Variants in POLD1 observed in about 807,000 individuals in gnomAD.
POLD1 encodes the protein DNA polymerase delta 1, catalytic subunit, also known as DNA polymerase delta catalytic subunit.
POLD1 carries 79 observed loss-of-function variants against 129.7 expected under a neutral mutation model. The ratio of observed to expected loss-of-function variants is 0.61; its 90% CI spans 0.51 to 0.73. POLD1 has a LOEUF of 0.73. Ranked by LOEUF, POLD1 falls within the 30% of genes least tolerant of loss-of-function variation. POLD1 has a pLI of 0.00. For synonymous variants in POLD1, 714 were observed against 683.3 expected (o/e 1.04, Z -0.70); for missense variants, 1,338 against 1,595.8 (o/e 0.84, Z 2.75).
chr19:50,409,610 G>A lies in POLD1; in HGVS notation c.2098G>A (p.Val700Ile), dbSNP rs868562435. 3.7e-6 allele frequency: 6 copies of A among 1,611,464 alleles called. No homozygotes were observed. The highest frequency in any genetic ancestry group is 4.2e-6 in the Non-Finnish European group (5 of 1,178,482). ...GGCGCTGAAGGTGAGCGCCAACTCC[G>A]TATACGGCTTCACTGGCGCCCAGGT... The part of the protein sequence containing the change: ...QLALKVSANS[V>I]YGFTGAQVGK... Residue 700 changes from valine (V) to isoleucine (I), a missense_variant, in exon 17 of 27, where the codon GTA (valine) becomes ATA (isoleucine). Val to Ile is a conservative substitution (Grantham distance 29). Transcript: ENST00000440232. The surrounding 1 kb of genome is among the most constrained non-coding windows in gnomAD (Gnocchi z 5.8).
At position 50,414,963 on chromosome 19, in the gene POLD1, C is replaced by A; in HGVS notation, c.2537C>A (p.Ala846Asp). ...CCCCTCGTGGCCAACCTGGTCACTG[C>A]CTCACTGCGCCGCCTGCTCATCGAC... ...NCPLVANLVT[A>D]SLRRLLIDRD... The change falls in exon 20 of 27, where the codon GCC (alanine) becomes GAC (aspartate). Residue 846 changes from alanine (A) to aspartate (D), a missense_variant. Coordinates refer to ENST00000440232, the MANE Select transcript of POLD1 (RefSeq NM_002691.4). 1 of 1,597,768 alleles carries A rather than the reference C, an allele frequency of 6.3e-7. No homozygotes were observed. The highest frequency in any genetic ancestry group is 8.5e-7 in the Non-Finnish European group (1 of 1,171,276).
chr19:50,398,980 G>T lies in POLD1; in HGVS notation c.129G>T (p.Glu43Asp). The T allele has an allele frequency of 6.4e-7, 1 of 1,572,472 alleles. No homozygotes were observed. Among genetic ancestry groups the T allele is most frequent in the East Asian group, 2.3e-5 (1 of 43,350 alleles). The change falls in exon 2 of 27, where the codon GAG (glutamate) becomes GAT (aspartate). Residue 43 changes from glutamate (E) to aspartate (D), a missense_variant. Coordinates refer to ENST00000440232, the MANE Select transcript of POLD1 (RefSeq NM_002691.4). ...QFEEDLALME[E>D]MEAEHRLQEQ... ...AGGAGGACCTGGCACTGATGGAGGA[G>T]ATGGAGGCAGAACACAGGCTGCAGG...
rs766087932 is a variant in POLD1 at position 50,402,484 on chromosome 19, C to T, written c.789C>T (p.Cys263=). ...RFMVDTDIVG[C]NWLELPAGKY... ...TGGTGGACACGGACATCGTCGGCTG[C>T]AACTGGCTGGAGCTCCCAGCTGGGA... The change falls in exon 7 of 27, where the codon TGC becomes TGT. Residue 263 remains cysteine, a synonymous_variant. Transcript: ENST00000440232. 6 of 1,612,050 alleles carry T rather than the reference C, an allele frequency of 3.7e-6. No individual in the cohort carries two copies. The highest frequency in any genetic ancestry group is 5.1e-6 in the Non-Finnish European group (6 of 1,179,236).
At chr19:50,413,673 A>AC (rs2122442993) in intron 18 of POLD1, 69 bp from the exon 19 acceptor site, 8 of 1,552,696 alleles carry the variant, frequency 5.2e-6, no homozygotes, top group Non-Finnish European at 8.7e-7. Flanking sequence ...GCCACCTGCC[A>AC]CCCCCCGACA....
Position 50,413,452 on chromosome 19 carries a change from G to T in POLD1, c.2181G>T (p.Met727Ile). The stretch of plus-strand genomic sequence containing the variant: ...GCGTCACGGGGTTCGGACGTCAGAT[G>T]ATCGAGAAAACCAAGCAGCTGGTGG... ...SQSVTGFGRQMIEKTKQLVES... is the reference protein window; with the variant it reads ...SQSVTGFGRQIIEKTKQLVES... The change falls in exon 18 of 27, where the codon ATG becomes ATT. Residue 727 changes from methionine to isoleucine, a missense_variant. This residue lies in a region of POLD1 where 720 missense variants were observed against 1,002.6 expected (regional missense o/e 0.72). Coordinates refer to ENST00000440232, the MANE Select transcript of POLD1 (RefSeq NM_002691.4). 6.2e-7 allele frequency: 1 copy of T among 1,613,382 alleles called. No individual in the cohort carries two copies. The highest frequency in any genetic ancestry group is 1.1e-5 in the South Asian group (1 of 90,976).
chr19:50,397,059 C>G (rs546925179), intron 1 of POLD1, among the ~76,000 whole-genome samples: 14 of 142,756 alleles, frequency 9.8e-5, no homozygotes, highest in South Asian at 4.5e-4. Flanking sequence ...CCACTGCACT[C>G]CAGCCTGGGT....
chr19:50,405,118 G>A (rs1422185045), intron 10 of POLD1, among the ~76,000 whole-genome samples: 2 of 151,862 alleles, frequency 1.3e-5, no homozygotes, highest in Non-Finnish European at 2.9e-5. Flanking sequence ...TCATCATGTT[G>A]GCCAGGCTGG....
At chr19:50,384,985 G>A (rs564954951) in intron 1 of POLD1, among the ~76,000 whole-genome samples, 15 of 152,290 alleles carry the variant, frequency 9.8e-5, no homozygotes, top group Admixed American at 2.0e-4. Context: ...TGTAGCAGGA[G>A]CCGAGGGGAC....
intron 24 of POLD1, 108 bp downstream of exon 24, chr19:50,416,831 A>G: frequency 1.0e-6 from 1 of 993,778 alleles, no homozygotes; most frequent in Non-Finnish European, 1.5e-6. Flanking sequence ...CAGTGGGCCC[A>G]GGGCCCCTGG....
At chr19:50,398,727 G>A (rs2038462572) in intron 1 of POLD1, 124 bp from the exon 2 acceptor site, 2 of 1,461,478 alleles carry the variant, frequency 1.4e-6, no homozygotes, top group East Asian at 4.9e-5. Flanking sequence ...AGAGAGCTAT[G>A]TTAGTACAGC....
intron 20 of POLD1, 65 bp downstream of exon 20, chr19:50,415,055 A>G (rs1258949428): frequency 4.4e-5 from 61 of 1,373,888 alleles, no homozygotes; most frequent in South Asian, 9.0e-5. Context: ...CCTCAGACCC[A>G]GGAGTCTAGG....
Position 50,406,863 on chromosome 19 carries a change from C to T in POLD1, c.1495-120C>T, listed in dbSNP as rs1274226613. On this transcript the variant is annotated intron_variant, in intron 12 of 26. Coordinates refer to ENST00000440232, the MANE Select transcript of POLD1 (RefSeq NM_002691.4). The surrounding 1 kb of genome is among the most constrained non-coding windows in gnomAD (Gnocchi z 5.5). ...GACCCTGACGACTTGGAGGGCCCTC[C>T]TGCCCGCCTCACCTCCCAGGCCCTC... 2 of 819,654 alleles carry T rather than the reference C, an allele frequency of 2.4e-6. No individual in the cohort carries two copies. The highest frequency in any genetic ancestry group is 3.8e-6 in the Non-Finnish European group (2 of 520,206). 50.8% of individuals were successfully genotyped at this position (819,654 alleles called of 1,614,324 possible).
At chr19:50,413,095 G>A (rs1227049081) in intron 17 of POLD1, among the ~76,000 whole-genome samples, 1 of 152,090 alleles carries the variant, frequency 6.6e-6, no homozygotes, top group Non-Finnish European at 1.5e-5. Context: ...CTGTACCATA[G>A]AGAGCTGCCC....
chr19:50,402,417 G>A (rs1461368624), intron 6 of POLD1, 37 bp from the exon 7 acceptor site: 91 of 1,612,944 alleles, frequency 5.6e-5, no homozygotes, highest in Non-Finnish European at 7.3e-5. Flanking sequence ...CCCCACCCTC[G>A]GGCAGCCCCT....
chr19:50,398,423 T>C (rs570951026), intron 1 of POLD1, among the ~76,000 whole-genome samples: 1 of 151,562 alleles, frequency 6.6e-6, no homozygotes, highest in Non-Finnish European at 1.5e-5. Context: ...AACACAAAAA[T>C]TAGCTGGGTG....
intron 20 of POLD1, 56 bp downstream of exon 20, chr19:50,415,046 C>T: frequency 7.0e-7 from 1 of 1,421,280 alleles, no homozygotes; most frequent in Non-Finnish European, 9.3e-7. Context: ...CCCCTCCTCC[C>T]TCAGACCCAG....
chr19:50,405,229 A>G (rs1245318773), intron 10 of POLD1, among the ~76,000 whole-genome samples: 5 of 152,124 alleles, frequency 3.3e-5, no homozygotes, highest in African/African-American at 9.7e-5. Context: ...CTCTTTGTGT[A>G]GTGACACCGT....
chr19:50,412,713 TTGGTGG>T (rs149765706), intron 17 of POLD1, among the ~76,000 whole-genome samples: 3 of 151,140 alleles, frequency 2.0e-5, no homozygotes, highest in African/African-American at 4.9e-5. Flanking sequence ...AGCCTCAGGT[TTGGTGG>T]TGGTGGTGGT....
rs1373291880 is a variant in POLD1, at chr19:50,416,745, G to A, written c.3067+22G>A. 7 of 1,471,610 alleles carry A rather than the reference G, an allele frequency of 4.8e-6. 1 individual carries two copies. In the South Asian group the frequency reaches 6.1e-5, roughly 13 times the overall value. 91.2% of individuals were successfully genotyped at this position (1,471,610 alleles called of 1,614,324 possible). On this transcript the variant is annotated intron_variant, in intron 24 of 26. Transcript: ENST00000440232. The stretch of plus-strand genomic sequence containing the variant: ...CAGGGTGAGCGGCCCTGGCCACTGG[G>A]CCCCCACTGGCCCTCAACCTGCTCT...
Sources: gnomAD v4.1 joint callset for allele counts (sites outside exome capture counted in the v4.1 genomes callset) on GRCh38, gnomAD v4.1.1 for gene constraint, gnomAD v4.1.1 regional missense constraint, Gnocchi (gnomAD v3.1) non-coding constraint, MANE v1.5 for transcripts, NCBI Gene and HGNC (gene_info 2026-07-23, HGNC 2026-07-21) for gene names.